The following XYLT1 variants were observed in gnomAD, a reference collection of about 807,000 sequenced individuals.
XYLT1 encodes beta-D-xylosyltransferase 1.
In XYLT1, 36 loss-of-function variants were observed where a neutral mutation model predicts 91.3. The observed-to-expected ratio is 0.39, with a 90% CI of 0.30 to 0.52. The LOEUF (loss-of-function observed/expected upper bound fraction) is 0.52. XYLT1 is among the 20% of genes least tolerant of loss of function. The probability of loss-of-function intolerance (pLI) is 0.68; values close to 1 mark genes in which losing one functional copy is unlikely to be tolerated. For synonymous variants in XYLT1, 588 were observed against 532.0 expected (o/e 1.11, Z -1.45); for missense variants, 1,242 against 1,284.5 (o/e 0.97, Z 0.51).
chr16:17,122,672 A>C (rs982463879), intron 10 of XYLT1, among the ~76,000 whole-genome samples: 1 of 152,198 alleles, frequency 6.6e-6, no homozygotes, highest in Non-Finnish European at 1.5e-5. Flanking sequence ...GCCAGTGTCT[A>C]GAAGGGTTTT....
At chr16:17,145,662 A>G (rs1042719878) in intron 6 of XYLT1, among the ~76,000 whole-genome samples, 4 of 152,210 alleles carry the variant, frequency 2.6e-5, no homozygotes, top group Non-Finnish European at 4.4e-5. Flanking sequence ...CTTGTGTGTT[A>G]TGTGCTTAAG....
intron 1 of XYLT1, among the ~76,000 whole-genome samples, chr16:17,359,624 C>T (rs747405026): frequency 3.3e-5 from 5 of 152,184 alleles, no homozygotes; most frequent in Non-Finnish European, 7.3e-5. Flanking sequence ...TTCTCACATT[C>T]CCCCAGGCAT....
intron 2 of XYLT1, among the ~76,000 whole-genome samples, chr16:17,310,481 G>C (rs2034529416): frequency 1.3e-5 from 2 of 152,168 alleles, no homozygotes; most frequent in African/African-American, 4.8e-5. Flanking sequence ...AGCAGGAATT[G>C]CATCTTCTGC....
chr16:17,258,840 G>A (rs1324937412), intron 3 of XYLT1, 148 bp downstream of exon 3: 5 of 1,036,344 alleles, frequency 4.8e-6, no homozygotes, highest in Non-Finnish European at 6.4e-6. Flanking sequence ...GGGAGTACTA[G>A]AACACATCAG....
intron 2 of XYLT1, among the ~76,000 whole-genome samples, chr16:17,277,565 T>C (rs1049634205): frequency 1.3e-5 from 2 of 152,098 alleles, no homozygotes; most frequent in African/African-American, 4.8e-5. Context: ...AATTTTTGTA[T>C]ATTTAGTAGA....
chr16:17,382,981 A>G (rs948888538), intron 1 of XYLT1, among the ~76,000 whole-genome samples: 1 of 151,746 alleles, frequency 6.6e-6, no homozygotes, highest in Non-Finnish European at 1.5e-5. Context: ...AATTTCAAAC[A>G]ACTACCCAGT....
At chr16:17,376,368 C>A (rs1308711256) in intron 1 of XYLT1, among the ~76,000 whole-genome samples, 1 of 152,198 alleles carries the variant, frequency 6.6e-6, no homozygotes, top group East Asian at 1.9e-4. Flanking sequence ...GGTAGGCCAA[C>A]CACAGCCAGC....
intron 5 of XYLT1, among the ~76,000 whole-genome samples, chr16:17,173,352 A>T (rs1196276847): frequency 6.6e-6 from 1 of 152,258 alleles, no homozygotes. Flanking sequence ...AACAGTGAAG[A>T]TGAAGACAAA....
chr16:17,232,166 ATAT>A (rs1480679037), intron 3 of XYLT1, among the ~76,000 whole-genome samples: 3 of 136,464 alleles, frequency 2.2e-5, no homozygotes, highest in Non-Finnish European at 4.8e-5. Flanking sequence ...ATTATATATA[ATAT>A]ATTATACAAT....
intron 5 of XYLT1, among the ~76,000 whole-genome samples, chr16:17,175,069 C>A (rs974642957): frequency 3.9e-5 from 6 of 152,190 alleles, no homozygotes; most frequent in Non-Finnish European, 8.8e-5. Flanking sequence ...CCACATCCAG[C>A]CAACATATTT....
At chr16:17,224,300 T>C (rs1314162124) in intron 3 of XYLT1, among the ~76,000 whole-genome samples, 4 of 152,332 alleles carry the variant, frequency 2.6e-5, no homozygotes, top group South Asian at 4.1e-4. Flanking sequence ...AAACTTTCCA[T>C]ACATTTCTTA....
chr16:17,333,715 G>A (rs1012836379), intron 2 of XYLT1, among the ~76,000 whole-genome samples: 1 of 151,358 alleles, frequency 6.6e-6, no homozygotes, highest in African/African-American at 2.4e-5. Context: ...GGCCTCCCAA[G>A]TAACTGGGAT....
At chr16:17,443,939 A>G (rs1005289652) in intron 1 of XYLT1, among the ~76,000 whole-genome samples, 2 of 151,842 alleles carry the variant, frequency 1.3e-5, no homozygotes, top group African/African-American at 2.4e-5. Flanking sequence ...TTTGGTCTCA[A>G]TCTCAAAGCT....
chr16:17,360,637 C>T (rs561622086), intron 1 of XYLT1, among the ~76,000 whole-genome samples: 1 of 152,290 alleles, frequency 6.6e-6, no homozygotes, highest in East Asian at 1.9e-4. Context: ...GAAGACTCTC[C>T]CTAAAGAGCC....
chr16:17,184,477 C>T (rs2032139425), intron 5 of XYLT1, among the ~76,000 whole-genome samples: 2 of 152,162 alleles, frequency 1.3e-5, no homozygotes, highest in East Asian at 3.9e-4. Context: ...TAGTATAATT[C>T]TCTCTAGTGG....
intron 2 of XYLT1, among the ~76,000 whole-genome samples, chr16:17,283,717 C>A (rs1173947452): frequency 6.6e-6 from 1 of 152,192 alleles, no homozygotes; most frequent in African/African-American, 2.4e-5. Flanking sequence ...TAATCAAGGG[C>A]AGCAGGGCCA....
At chr16:17,235,629 G>A (rs946389550) in intron 3 of XYLT1, among the ~76,000 whole-genome samples, 4 of 152,142 alleles carry the variant, frequency 2.6e-5, no homozygotes, top group African/African-American at 4.8e-5. Flanking sequence ...TACTGAGTGG[G>A]GAATTATGAC....
At position 17,359,648 on chromosome 16, in the gene XYLT1, T is replaced by C. The variant is rs1039575405; in HGVS notation, c.364-1598A>G. 7.9e-5 allele frequency among the ~76,000 whole-genome samples: 12 copies of C among 152,158 alleles called. 1 individual carries two copies. The highest frequency in any genetic ancestry group is 6.5e-5 in the Admixed American group (1 of 15,286). On this transcript the variant is annotated intron_variant, in intron 1 of 11. Transcript: ENST00000261381. ...TCCCCCAGGCATTGAGTCTTCCTCA[T>C]ACCCAAGAAAACATGGAGGGGAATA...
intron 2 of XYLT1, among the ~76,000 whole-genome samples, chr16:17,278,203 C>T (rs1035798917): frequency 1.3e-5 from 2 of 152,132 alleles, no homozygotes; most frequent in African/African-American, 4.8e-5. Context: ...ATTCAGACAC[C>T]GAACTCCCTT....
Sources: allele counts gnomAD v4.1 joint callset (sites outside exome capture counted in the v4.1 genomes callset), GRCh38; gene constraint gnomAD v4.1.1; transcripts MANE v1.5; gene names NCBI Gene and HGNC (gene_info 2026-07-23, HGNC 2026-07-21).